The following ZNF618 variants were observed in gnomAD, a reference collection of about 807,000 sequenced individuals.
ZNF618 encodes neural precursor cell expressed, developmentally down-regulated 10.
In ZNF618, 34 loss-of-function variants were observed where a neutral mutation model predicts 103.0. That is an observed-to-expected ratio of 0.33 (90% CI 0.25 to 0.44). The LOEUF (loss-of-function observed/expected upper bound fraction) is 0.44, where lower values mean the gene tolerates loss of function less well. Ranked by LOEUF, ZNF618 falls within the 20% of genes least tolerant of loss-of-function variation. The pLI is 1.00. For missense variants in ZNF618, 1,059 were observed against 1,295.4 expected (o/e 0.82, Z 2.80); for synonymous variants, 551 against 542.2 (o/e 1.02, Z -0.23).
At position 114,002,858 on chromosome 9, in the gene ZNF618, G is replaced by A. The variant is rs547498577; in HGVS notation, c.550+196G>A. 6.6e-4 allele frequency among the ~76,000 whole-genome samples: 101 copies of A among 152,346 alleles called. 1 individual carries two copies. In the South Asian group the frequency reaches 0.019, roughly 29 times the overall value. On this transcript the variant is annotated intron_variant, in intron 6 of 14. Transcript: ENST00000374126. ...CTCAGAGCAGCCCTTCCCAAAGCGT[G>A]CTCCATGGCAGGCTCATTCTGGGAA...
At chr9:113,956,410 A>G (rs1836302343) in intron 1 of ZNF618, among the ~76,000 whole-genome samples, 2 of 152,284 alleles carry the variant, frequency 1.3e-5, no homozygotes, top group Non-Finnish European at 2.9e-5. Flanking sequence ...AAATGGTTAG[A>G]ACAGGCCATT....
intron 3 of ZNF618, among the ~76,000 whole-genome samples, chr9:113,992,425 CA>C (rs1307506227): frequency 6.6e-6 from 1 of 152,142 alleles, no homozygotes; most frequent in Non-Finnish European, 1.5e-5. Flanking sequence ...AAAGCTCTCC[CA>C]GGGACCTGGC....
At chr9:113,966,753 C>G (rs1837441061) in intron 1 of ZNF618, among the ~76,000 whole-genome samples, 1 of 152,244 alleles carries the variant, frequency 6.6e-6, no homozygotes, top group African/African-American at 2.4e-5. Context: ...CAACTCTCAT[C>G]TGCCACCATC....
intron 1 of ZNF618, among the ~76,000 whole-genome samples, chr9:113,946,715 C>T (rs1423393313): frequency 1.3e-5 from 2 of 152,156 alleles, no homozygotes; most frequent in Admixed American, 6.6e-5. Context: ...AAGTACCCCT[C>T]GCAGGATGTA....
chr9:113,965,667 A>AT (rs1039156637), intron 1 of ZNF618, among the ~76,000 whole-genome samples: 5 of 152,166 alleles, frequency 3.3e-5, no homozygotes, highest in African/African-American at 1.2e-4. Flanking sequence ...CTCCGCCCCC[A>AT]TTTTTTACCT....
intron 1 of ZNF618, among the ~76,000 whole-genome samples, chr9:113,899,853 A>T (rs1382604387): frequency 6.6e-6 from 1 of 152,066 alleles, no homozygotes; most frequent in Non-Finnish European, 1.5e-5. Flanking sequence ...TACCTACCAC[A>T]TTTTGTTTAT....
chr9:114,040,745 G>A (rs1251795615), intron 13 of ZNF618, among the ~76,000 whole-genome samples: 1 of 152,280 alleles, frequency 6.6e-6, no homozygotes, highest in East Asian at 1.9e-4. Context: ...GGACATTTGG[G>A]TTGGTTCCAA....
In ZNF618 at chr9:114,016,796, C is replaced by T. The variant is rs778411319; in HGVS notation, c.844+12C>T. ...ACACGCCCCCATCAGTGAGTACCTC[C>T]TCCCGGTAGGGATGGGGGTTGGGGG... On this transcript the variant is annotated intron_variant, in intron 10 of 14. Transcript: ENST00000374126. The T allele has an allele frequency of 5.6e-6, 9 of 1,606,182 alleles. No individual in the cohort carries two copies. In the Admixed American group the frequency reaches 1.5e-4, roughly 27 times the overall value.
intron 1 of ZNF618, among the ~76,000 whole-genome samples, chr9:113,947,454 C>T (rs1383387341): frequency 6.6e-6 from 1 of 152,180 alleles, no homozygotes; most frequent in East Asian, 1.9e-4. Context: ...CAGCCAGGTC[C>T]TCCTGCTAAC....
intron 3 of ZNF618, among the ~76,000 whole-genome samples, chr9:113,997,632 C>T (rs567958746): frequency 1.2e-4 from 18 of 152,330 alleles, no homozygotes; most frequent in East Asian, 1.9e-4. Flanking sequence ...ATGAACTGGG[C>T]GAAATGCTGC....
chr9:113,912,426 A>G (rs1205339032), intron 1 of ZNF618, among the ~76,000 whole-genome samples: 3 of 152,186 alleles, frequency 2.0e-5, no homozygotes, highest in African/African-American at 7.2e-5. Flanking sequence ...GAGCCAGTTT[A>G]GGAAAGAAAC....
At chr9:113,928,360 A>G (rs1025590925) in intron 1 of ZNF618, among the ~76,000 whole-genome samples, 1 of 152,172 alleles carries the variant, frequency 6.6e-6, no homozygotes. Context: ...TATTAATCGT[A>G]GTTATTTACA....
chr9:113,908,319 T>C (rs1831178129), intron 1 of ZNF618, among the ~76,000 whole-genome samples: 1 of 152,200 alleles, frequency 6.6e-6, no homozygotes, highest in Non-Finnish European at 1.5e-5. Flanking sequence ...GTGCTCAGGA[T>C]GTTAAATACA....
intron 4 of ZNF618, 105 bp from the exon 5 acceptor site, chr9:114,001,891 C>A: frequency 1.0e-6 from 1 of 977,360 alleles, no homozygotes. Context: ...CCATCTCTGC[C>A]CCTGGGACAG....
At chr9:113,922,165 G>A (rs527344927) in intron 1 of ZNF618, among the ~76,000 whole-genome samples, 45 of 152,268 alleles carry the variant, frequency 3.0e-4, no homozygotes, top group Non-Finnish European at 2.9e-4. Context: ...ATAAACCAGG[G>A]AACAAAAAAT....
At chr9:113,944,711 CAT>C (rs764135256) in intron 1 of ZNF618, among the ~76,000 whole-genome samples, 118 of 152,250 alleles carry the variant, frequency 7.8e-4, no homozygotes, top group Non-Finnish European at 5.1e-4. Flanking sequence ...ATTTTCATAA[CAT>C]ATTTTATTGA....
intron 1 of ZNF618, among the ~76,000 whole-genome samples, chr9:113,916,197 C>T (rs1176431502): frequency 6.6e-6 from 1 of 151,896 alleles, no homozygotes; most frequent in Non-Finnish European, 1.5e-5. Flanking sequence ...AATTTGATTC[C>T]ATTGTATGAC....
chr9:113,984,639 T>G (rs1480411189), intron 2 of ZNF618, among the ~76,000 whole-genome samples: 2 of 152,210 alleles, frequency 1.3e-5, no homozygotes, highest in African/African-American at 4.8e-5. Flanking sequence ...GGCCTCGGGC[T>G]GAGTTTCAGA....
At chr9:113,975,832 A>T (rs1838416569) in intron 2 of ZNF618, among the ~76,000 whole-genome samples, 1 of 152,264 alleles carries the variant, frequency 6.6e-6, no homozygotes, top group Non-Finnish European at 1.5e-5. Flanking sequence ...AGGTATCTTC[A>T]TCTTGACTCT....
Sources: gnomAD v4.1 joint callset for allele counts (sites outside exome capture counted in the v4.1 genomes callset) on GRCh38, gnomAD v4.1.1 for gene constraint, MANE v1.5 for transcripts, NCBI Gene and HGNC (gene_info 2026-07-23, HGNC 2026-07-21) for gene names.